The following C6orf132 variants were observed in gnomAD, a reference collection of about 807,000 sequenced individuals.
C6orf132 encodes uncharacterized protein C6orf132.
C6orf132 carries 43 observed loss-of-function variants against 65.3 expected under a neutral mutation model. That is an observed-to-expected ratio of 0.66 (90% CI 0.52 to 0.85). The LOEUF is 0.85. Among genes scored for constraint, C6orf132 ranks in the 40% least tolerant of loss-of-function variants. The pLI is 0.00. For missense variants in C6orf132, 1,488 were observed against 1,548.8 expected (o/e 0.96, Z 0.66); for synonymous variants, 631 against 654.1 (o/e 0.96, Z 0.54).
chr6:42,141,226 G>C (rs1767025053), intron 1 of C6orf132, among the ~76,000 whole-genome samples: 1 of 152,202 alleles, frequency 6.6e-6, no homozygotes, highest in Admixed American at 6.5e-5. Flanking sequence ...ATGCTGAACT[G>C]AGTCCAACAG....
chr6:42,104,824 C>A lies in C6orf132; in HGVS notation c.3088G>T (p.Ala1030Ser), dbSNP rs932049334. 8.2e-6 allele frequency: 12 copies of A among 1,462,654 alleles called. No homozygotes were observed. The African/African-American group carries it at 1.4e-4, about 17-fold the overall frequency. The allele number at this position is 1,462,654 out of a possible 1,614,324, so 90.6% of individuals were successfully genotyped here. A position where few individuals can be genotyped will look rare whatever the true frequency, so the allele number is the denominator to read the frequency against. ...CGCGAGAAGCCGAGAGCCGGGGGCGCCCCGGGGCCAGCGTTCGGGAGCTGC... is the reference window on the plus strand; with the variant it reads ...CGCGAGAAGCCGAGAGCCGGGGGCGACCCGGGGCCAGCGTTCGGGAGCTGC... ...LRQLPNAGPG[A>S]PPALGFSRFP... Residue 1030 changes from alanine to serine, a missense_variant, in exon 4 of 5, where the codon GCG (alanine) becomes TCG (serine). Ala to Ser is a moderately conservative substitution (Grantham distance 99). Coordinates refer to ENST00000341865, the MANE Select transcript of C6orf132 (RefSeq NM_001164446.3). The surrounding 1 kb of genome is among the most constrained non-coding windows in gnomAD (Gnocchi z 4.1).
chr6:42,124,405 G>A lies in C6orf132; in HGVS notation c.252+4267C>T, dbSNP rs1256863772. ...TAGCTCTGTCCCCTGGCAGGCTCCT[G>A]TAGGGCACTGACAGGGAGGGTAGGC... is the stretch of plus-strand genomic sequence containing the variant. On this transcript the variant is annotated intron_variant, in intron 2 of 4. Coordinates refer to ENST00000341865, the MANE Select transcript of C6orf132 (RefSeq NM_001164446.3). This position sits in a 1 kb window ranked among gnomAD's most constrained non-coding sequence, Gnocchi z 4.0. 6.6e-6 allele frequency among the ~76,000 whole-genome samples: 1 copy of A among 152,228 alleles called. No homozygotes were observed.
rs760547659 is a variant in C6orf132 at position 42,106,726 on chromosome 6, G to A, written c.1186C>T (p.Leu396=). The A allele has an allele frequency of 1.3e-5, 20 of 1,502,470 alleles. No individual in the cohort carries two copies. In the South Asian group the frequency reaches 2.3e-4, roughly 17 times the overall value. 93.1% of individuals were successfully genotyped at this position (1,502,470 alleles called of 1,614,324 possible). A position where few individuals can be genotyped will look rare whatever the true frequency, so the allele number is the denominator to read the frequency against. ...RAGTPPPAPP[L]PPPAPPLPPP... The stretch of plus-strand genomic sequence containing the variant: ...GGGAGGGGGGGTGCAGGAGGGGGCA[G>A]GGGAGGGGCTGGAGGCGGAGTCCCA... The change falls in exon 4 of 5, where the codon CTG becomes TTG. Residue 396 remains leucine (L), a synonymous_variant. Coordinates refer to ENST00000341865, the MANE Select transcript of C6orf132 (RefSeq NM_001164446.3).
intron 2 of C6orf132, among the ~76,000 whole-genome samples, chr6:42,116,302 C>T (rs1446757438): frequency 6.6e-6 from 1 of 152,170 alleles, no homozygotes; most frequent in African/African-American, 2.4e-5. Context: ...GTCATTGCTA[C>T]CGCCATTTTC....
At chr6:42,119,774 C>T (rs1399701441) in intron 2 of C6orf132, among the ~76,000 whole-genome samples, 1 of 151,922 alleles carries the variant, frequency 6.6e-6, no homozygotes, top group African/African-American at 2.4e-5. Flanking sequence ...ATGTGAGCCA[C>T]CTCACCTGGC....
chr6:42,135,921 C>T (rs938931468), intron 1 of C6orf132, among the ~76,000 whole-genome samples: 1 of 152,110 alleles, frequency 6.6e-6, no homozygotes, highest in Admixed American at 6.5e-5. Flanking sequence ...CTCTGATTCC[C>T]TCATGTCATA....
Position 42,106,303 on chromosome 6 carries a change from GGCT to G in C6orf132, c.1606_1608del (p.Ser536del). ...CTGGGGGCAGCCTCTGTCTCTGTCA[GGCT>G]GCTGCCGCCAAGACTCTTTTCAGGA... On this transcript the variant is annotated inframe_deletion, in exon 4 of 5. Transcript: ENST00000341865. 2 of 1,536,776 alleles carry G rather than the reference GGCT, an allele frequency of 1.3e-6. No individual in the cohort carries two copies. The highest frequency in any genetic ancestry group is 2.4e-5 in the South Asian group (2 of 84,066).
intron 2 of C6orf132, 55 bp downstream of exon 2, chr6:42,128,617 C>T: frequency 7.1e-7 from 1 of 1,405,794 alleles, no homozygotes; most frequent in Non-Finnish European, 9.8e-7. Context: ...CTAGGGCAGC[C>T]TTGGTGTCCC....
In C6orf132 at chr6:42,106,194, C is replaced by T. The variant is rs530349343; in HGVS notation, c.1718G>A (p.Arg573Gln). The change falls in exon 4 of 5, where the codon CGG (arginine) becomes CAG (glutamine). Residue 573 changes from arginine to glutamine, a missense_variant. By Grantham distance (43) the Arg-to-Gln change is conservative (BLOSUM62 1). Coordinates refer to ENST00000341865, the MANE Select transcript of C6orf132 (RefSeq NM_001164446.3). ...CTCCTTCTCTGCTGCTGAGGAGAGC[C>T]GGGCCTCCAGCTCATTCCGGATCTG... ...VRQIRNELEA[R>Q]LSSAAEKEAK... 111 of 1,537,216 alleles carry T rather than the reference C, an allele frequency of 7.2e-5. No individual in the cohort carries two copies. Among genetic ancestry groups the T allele is most frequent in the East Asian group, 3.7e-4 (15 of 40,918 alleles).
rs758536814 is a variant in C6orf132 at position 42,104,701 on chromosome 6, G to A, written c.3211C>T (p.Pro1071Ser). 3 of 1,521,258 alleles carry A rather than the reference G, an allele frequency of 2.0e-6. No individual in the cohort carries two copies. Among genetic ancestry groups the A allele is most frequent in the Admixed American group, 2.0e-5 (1 of 48,974 alleles). 94.2% of individuals were successfully genotyped at this position (1,521,258 alleles called of 1,614,324 possible). A position where few individuals can be genotyped will look rare whatever the true frequency, so the allele number is the denominator to read the frequency against. The change falls in exon 4 of 5, where the codon CCG becomes TCG. Residue 1071 changes from proline to serine, a missense_variant. Coordinates refer to ENST00000341865, the MANE Select transcript of C6orf132 (RefSeq NM_001164446.3). This position sits in a 1 kb window ranked among gnomAD's most constrained non-coding sequence, Gnocchi z 4.1. ...LIKKRLYVGE[P>S]HRGPGLPHGG... The stretch of plus-strand genomic sequence containing the variant: ...TGGGGTAGCCCTGGGCCTCGGTGCG[G>A]CTCCCCGACGTACAGGCGCTTCTTT...
intron 2 of C6orf132, among the ~76,000 whole-genome samples, chr6:42,121,968 G>A (rs1297192076): frequency 6.6e-6 from 1 of 152,214 alleles, no homozygotes; most frequent in African/African-American, 2.4e-5. Flanking sequence ...GCAGTATGGG[G>A]GTGCTGGCCT....
At chr6:42,134,957 C>T (rs770296084) in intron 1 of C6orf132, among the ~76,000 whole-genome samples, 80 of 150,886 alleles carry the variant, frequency 5.3e-4, no homozygotes, top group Non-Finnish European at 9.3e-4. Flanking sequence ...GCTGAGATTG[C>T]GCCACTGCAC....
chr6:42,124,580 G>C lies in C6orf132; in HGVS notation c.252+4092C>G, dbSNP rs1766736684. On this transcript the variant is annotated intron_variant, in intron 2 of 4. Transcript: ENST00000341865. The surrounding 1 kb of genome is among the most constrained non-coding windows in gnomAD (Gnocchi z 4.0). ...TGAATGTGGGAAGGGAGGACAGGGA[G>C]GGGTGGAGGCCTGGCCGGCTGGGAC... Among the ~76,000 whole-genome samples the C allele has an allele frequency of 6.6e-6, 1 of 152,220 alleles. No individual in the cohort carries two copies. Among genetic ancestry groups the C allele is most frequent in the East Asian group, 1.9e-4 (1 of 5,186 alleles).
At chr6:42,118,216 C>T (rs900239405) in intron 2 of C6orf132, among the ~76,000 whole-genome samples, 4 of 152,134 alleles carry the variant, frequency 2.6e-5, no homozygotes, top group African/African-American at 9.7e-5. Flanking sequence ...TGTATTGCCT[C>T]GAGGTTGTCC....
intron 1 of C6orf132, among the ~76,000 whole-genome samples, chr6:42,140,077 G>T (rs2492942): frequency 0.2 from 31,181 of 152,180 alleles, 3,438 homozygotes; most frequent in African/African-American, 0.29. Context: ...GCACCCCAGG[G>T]AACACCCCGG....
At chr6:42,141,124 C>T (rs535215874) in intron 1 of C6orf132, among the ~76,000 whole-genome samples, 4 of 152,074 alleles carry the variant, frequency 2.6e-5, no homozygotes, top group Non-Finnish European at 5.9e-5. Context: ...CTGTTCACCC[C>T]CTGATCTGAT....
intron 2 of C6orf132, among the ~76,000 whole-genome samples, chr6:42,120,744 C>A (rs971874123): frequency 3.9e-5 from 6 of 152,074 alleles, no homozygotes; most frequent in Non-Finnish European, 7.4e-5. Context: ...GCCTCAGACA[C>A]CTGAATACTT....
At position 42,142,399 on chromosome 6, in the gene C6orf132, C is replaced by G; in HGVS notation, c.46G>C (p.Gly16Arg). Reference protein sequence around the residue: ...TVQGTFSKLFGKKHTTTPSTS... With the variant: ...TVQGTFSKLFRKKHTTTPSTS... The stretch of plus-strand genomic sequence containing the variant: ...CTGGGGGTCGTGGTGTGCTTCTTCC[C>G]GAAGAGTTTGCTGAAGGTGCCCTGC... Residue 16 changes from glycine (G) to arginine (R), a missense_variant, in exon 1 of 5, where the codon GGG (glycine) becomes CGG (arginine). Gly to Arg is a moderately radical substitution (Grantham distance 125, BLOSUM62 -2). Transcript: ENST00000341865. The G allele has an allele frequency of 6.4e-7, 1 of 1,551,482 alleles. No homozygotes were observed. The highest frequency in any genetic ancestry group is 8.7e-7 in the Non-Finnish European group (1 of 1,146,862).
chr6:42,138,816 C>T (rs943278384), intron 1 of C6orf132, among the ~76,000 whole-genome samples: 4 of 145,570 alleles, frequency 2.7e-5, no homozygotes, highest in Non-Finnish European at 6.0e-5. Context: ...TTGGGATTTG[C>T]GAAGATCCAC....
Sources: allele counts gnomAD v4.1 joint callset (sites outside exome capture counted in the v4.1 genomes callset), GRCh38; gene constraint gnomAD v4.1.1; non-coding constraint Gnocchi (gnomAD v3.1); transcripts MANE v1.5; gene names NCBI Gene and HGNC (gene_info 2026-07-23, HGNC 2026-07-21).